Variants in ATXN7 observed in about 807,000 individuals in gnomAD.
ATXN7 encodes ataxin 7.
In ATXN7, 12 loss-of-function variants were observed where a neutral mutation model predicts 70.5. The observed-to-expected ratio is 0.17, with a 90% CI of 0.11 to 0.28. The LOEUF (loss-of-function observed/expected upper bound fraction) is 0.28, where lower values mean the gene tolerates loss of function less well. ATXN7 is among the 10% of genes least tolerant of loss of function. ATXN7 has a pLI of 1.00. For missense variants in ATXN7, 1,256 were observed against 1,131.7 expected (o/e 1.11, Z -1.58); for synonymous variants, 498 against 448.7 (o/e 1.11, Z -1.39).
intron 11 of ATXN7, among the ~76,000 whole-genome samples, chr3:63,995,275 G>C (rs980347465): frequency 6.6e-6 from 1 of 152,054 alleles, no homozygotes; most frequent in Non-Finnish European, 1.5e-5. Context: ...GGAGCTAGAG[G>C]CTGGGGCAAT....
intron 4 of ATXN7, among the ~76,000 whole-genome samples, chr3:63,917,277 G>A (rs774147997): frequency 1.3e-5 from 2 of 152,120 alleles, no homozygotes; most frequent in African/African-American, 4.8e-5. Flanking sequence ...ATGATTAAAC[G>A]TTTTTGAAAT....
chr3:63,910,025 A>G (rs1035350637), intron 2 of ATXN7, among the ~76,000 whole-genome samples: 10 of 152,208 alleles, frequency 6.6e-5, no homozygotes, highest in African/African-American at 2.2e-4. Flanking sequence ...TCATAATGCC[A>G]AGAGGATACT....
chr3:63,991,821 T>TAA (rs35134788), intron 11 of ATXN7, among the ~76,000 whole-genome samples: 279 of 142,752 alleles, frequency 2.0e-3, no homozygotes, highest in Non-Finnish European at 2.3e-3. Flanking sequence ...GCCTTTCCTG[T>TAA]AAAAAAAAAA....
intron 1 of ATXN7, among the ~76,000 whole-genome samples, chr3:63,879,235 A>G (rs1331188113): frequency 6.6e-6 from 1 of 152,222 alleles, no homozygotes; most frequent in Non-Finnish European, 1.5e-5. Flanking sequence ...GAGAAATTAA[A>G]TATTCAAAGA....
chr3:63,927,060 A>G (rs1236210574), intron 4 of ATXN7, among the ~76,000 whole-genome samples: 5 of 152,140 alleles, frequency 3.3e-5, no homozygotes, highest in East Asian at 1.9e-4. Flanking sequence ...TATGCAGTCT[A>G]TCATTCATGG....
intron 5 of ATXN7, among the ~76,000 whole-genome samples, chr3:63,979,369 C>G (rs777656119): frequency 2.6e-5 from 4 of 152,212 alleles, no homozygotes; most frequent in Middle Eastern, 3.4e-3. Context: ...AGCACAGATT[C>G]TTAGGGAACG....
chr3:63,933,446 G>A (rs939759783), intron 4 of ATXN7, among the ~76,000 whole-genome samples: 1 of 152,134 alleles, frequency 6.6e-6, no homozygotes, highest in Non-Finnish European at 1.5e-5. Context: ...AAAGTACCTA[G>A]GACATTAGCT....
chr3:63,982,929 C>G lies in ATXN7; in HGVS notation c.1013-10C>G. ...TCAGGCCACATGTAATGCCTGTGTTCTTTTGACAGAAAGAGAGTTTGATCC... is the reference window on the plus strand; with the variant it reads ...TCAGGCCACATGTAATGCCTGTGTTGTTTTGACAGAAAGAGAGTTTGATCC... On this transcript the variant is annotated splice_polypyrimidine_tract_variant and intron_variant, in intron 7 of 12. Transcript: ENST00000674280. 6.2e-7 allele frequency: 1 copy of G among 1,612,134 alleles called. No individual in the cohort carries two copies.
At chr3:63,943,227 T>G (rs921479224) in intron 4 of ATXN7, among the ~76,000 whole-genome samples, 1 of 151,950 alleles carries the variant, frequency 6.6e-6, no homozygotes, top group Non-Finnish European at 1.5e-5. Context: ...CGAAGTGGGG[T>G]TGGCATAATT....
intron 6 of ATXN7, among the ~76,000 whole-genome samples, chr3:63,981,202 G>C (rs2106756549): frequency 6.6e-6 from 1 of 152,316 alleles, no homozygotes; most frequent in East Asian, 1.9e-4. Flanking sequence ...TCTCTCTACT[G>C]CTGTCAGGCT....
At chr3:63,876,459 C>T (rs1399427691) in intron 1 of ATXN7, among the ~76,000 whole-genome samples, 1 of 152,070 alleles carries the variant, frequency 6.6e-6, no homozygotes, top group Non-Finnish European at 1.5e-5. Flanking sequence ...TTAAAGGAAT[C>T]GCTTGTTCAA....
At position 63,996,155 on chromosome 3, in the gene ATXN7, G is replaced by C. The variant is rs760584775; in HGVS notation, c.2333G>C (p.Gly778Ala). ...GTCCGGCATGACCAGTCAGGGAGGGGCCCCCCCACCGGGAGCCCTGCTGAA... is the reference window on the plus strand; with the variant it reads ...GTCCGGCATGACCAGTCAGGGAGGGCCCCCCCCACCGGGAGCCCTGCTGAA... ...VNVRHDQSGR[G>A]PPTGSPAESI... Residue 778 changes from glycine to alanine, a missense_variant, in exon 12 of 13, where the codon GGC becomes GCC. Transcript: ENST00000674280. The C allele has an allele frequency of 2.2e-5, 35 of 1,613,810 alleles. No individual in the cohort carries two copies. The Admixed American group carries it at 3.0e-4, about 14-fold the overall frequency.
At chr3:63,921,683 GAAC>G (rs1439794421) in intron 4 of ATXN7, among the ~76,000 whole-genome samples, 1 of 152,178 alleles carries the variant, frequency 6.6e-6, no homozygotes, top group African/African-American at 2.4e-5. Flanking sequence ...ACAGTTCTGG[GAAC>G]CCCAGTTCTA....
chr3:64,002,657 G>C lies in ATXN7; in HGVS notation c.*3190G>C, dbSNP rs1345581165. 1 of 152,152 alleles carries C rather than the reference G, an allele frequency of 6.6e-6. No individual in the cohort carries two copies. Among genetic ancestry groups the C allele is most frequent in the Non-Finnish European group, 1.5e-5 (1 of 68,028 alleles). The allele number at this position is 152,152 out of a possible 1,614,324, so 9.4% of individuals were successfully genotyped here. On this transcript the variant is annotated 3_prime_UTR_variant, in exon 13 of 13. Coordinates refer to ENST00000674280, the MANE Select transcript of ATXN7 (RefSeq NM_001377405.1). ...ACTTGAATGTTCAGTTGAACTTTTG[G>C]AGTTTGCTTTTTCCACCTAAATATT...
chr3:63,960,968 T>G (rs2075119034), intron 5 of ATXN7, among the ~76,000 whole-genome samples: 1 of 152,168 alleles, frequency 6.6e-6, no homozygotes, highest in African/African-American at 2.4e-5. Context: ...ATTGGGTAAT[T>G]GTGAAAATTT....
chr3:63,927,717 ATATT>A (rs1417767368), intron 4 of ATXN7, among the ~76,000 whole-genome samples: 3 of 151,904 alleles, frequency 2.0e-5, no homozygotes, highest in African/African-American at 7.3e-5. Context: ...TCTGAATAGG[ATATT>A]TATTTTCTCC....
chr3:63,990,409 C>T (rs1197516609), intron 10 of ATXN7, 35 bp downstream of exon 10: 1 of 1,611,654 alleles, frequency 6.2e-7, no homozygotes. Flanking sequence ...TTGACCCTCC[C>T]CACACAGCAT....
chr3:63,865,145 C>T (rs944023067), intron 1 of ATXN7: 2 of 152,206 alleles, frequency 1.3e-5, no homozygotes, highest in Admixed American at 1.3e-4. Flanking sequence ...TACATTCTCC[C>T]TGTTTTCCCC....
chr3:63,921,966 C>T (rs1704527361), intron 4 of ATXN7, among the ~76,000 whole-genome samples: 1 of 152,152 alleles, frequency 6.6e-6, no homozygotes, highest in African/African-American at 2.4e-5. Flanking sequence ...AAGGTGTAGG[C>T]AGTGAGAGGA....
Sources: allele counts gnomAD v4.1 joint callset (sites outside exome capture counted in the v4.1 genomes callset), GRCh38; gene constraint gnomAD v4.1.1; transcripts MANE v1.5; gene names NCBI Gene and HGNC (gene_info 2026-07-23, HGNC 2026-07-21).